Variants in FAM167A observed in about 807,000 individuals in gnomAD.
FAM167A encodes the protein protein FAM167A.
Under a neutral mutation model 14.9 loss-of-function variants are expected in FAM167A, and 23 were observed. The observed-to-expected ratio is 1.55, with a 90% CI of 1.11 to 2.19. The LOEUF (loss-of-function observed/expected upper bound fraction) is 2.19. FAM167A is among the 30% of genes most tolerant of loss of function. The pLI, the probability that FAM167A is intolerant of heterozygous loss-of-function variation, is 0.00. For synonymous variants in FAM167A, 174 were observed against 117.7 expected (o/e 1.48, Z -3.10); for missense variants, 401 against 281.5 (o/e 1.42, Z -3.04).
upstream of FAM167A, among the ~76,000 whole-genome samples, chr8:11,467,071 T>A (rs1210446911): frequency 1.3e-5 from 2 of 152,146 alleles, no homozygotes; most frequent in Non-Finnish European, 2.9e-5. Flanking sequence ...CTGTCAGAAG[T>A]TTGTCCGCAT....
rs771864038 is a variant in FAM167A at position 11,444,183 on chromosome 8, C to A, written c.229G>T (p.Gly77Trp). The A allele has an allele frequency of 2.5e-6, 4 of 1,612,998 alleles. No individual in the cohort carries two copies. The highest frequency in any genetic ancestry group is 2.2e-5 in the East Asian group (1 of 44,866). The change falls in exon 2 of 3, where the codon GGG becomes TGG. Residue 77 changes from glycine to tryptophan, a missense_variant. By Grantham distance (184) the Gly-to-Trp change is radical. Transcript: ENST00000284486. ...PQASLEEGER[G>W]GQEPLLPLRE... ...AGGGGGAGCAAGGGCTCCTGCCCCC[C>A]ACGCTCCCCCTCCTCCAAGCTCGCC...
chr8:11,438,527 T>A (rs1806207129), intron 2 of FAM167A: 1 of 456,932 alleles, frequency 2.2e-6, no homozygotes, highest in African/African-American at 2.0e-5. Context: ...CTTTTGCTTC[T>A]TTGGTCTTTC....
chr8:11,436,420 T>C (rs56302795), intron 2 of FAM167A, among the ~76,000 whole-genome samples: 35,854 of 152,206 alleles, frequency 0.24, 4,740 homozygotes, highest in Middle Eastern at 0.4. Flanking sequence ...GGTACGGCTG[T>C]TCTTGCTGGG....
At chr8:11,462,598 C>T (rs558096510) in intron 1 of FAM167A, among the ~76,000 whole-genome samples, 14 of 148,720 alleles carry the variant, frequency 9.4e-5, no homozygotes, top group South Asian at 8.3e-4. Flanking sequence ...CCTCGCCAGA[C>T]TGCACGCTCC....
At chr8:11,424,672 A>T (rs1011016398) in intron 2 of FAM167A, 36 bp from the exon 3 acceptor site, 1 of 1,606,494 alleles carries the variant, frequency 6.2e-7, no homozygotes, top group African/African-American at 1.3e-5. Flanking sequence ...GTCAGCAGAG[A>T]GTGGCTCGAG....
rs1213794321 is a variant in FAM167A, at chr8:11,424,854, C to T, written c.382-218G>A. ...ACAATACTTTGTGCTAGGCTAGTTG[C>T]TGTATCTAAGTCCTTCTGAAAGACA... On this transcript the variant is annotated intron_variant, in intron 2 of 2. Transcript: ENST00000284486. Among the ~76,000 whole-genome samples the T allele has an allele frequency of 2.0e-5, 3 of 152,228 alleles. No individual in the cohort carries two copies. The South Asian group carries it at 6.2e-4, about 31-fold the overall frequency.
At chr8:11,432,821 A>C (rs1040588078) in intron 2 of FAM167A, among the ~76,000 whole-genome samples, 2 of 152,226 alleles carry the variant, frequency 1.3e-5, no homozygotes, top group Admixed American at 6.5e-5. Flanking sequence ...CCCAAATGTC[A>C]ATCAATGATA....
chr8:11,441,476 G>A (rs1440906105), intron 2 of FAM167A, among the ~76,000 whole-genome samples: 1 of 152,184 alleles, frequency 6.6e-6, no homozygotes, highest in Non-Finnish European at 1.5e-5. Flanking sequence ...TTAGAGTTTG[G>A]CAGTCAATGC....
chr8:11,459,217 T>C (rs1045031593), intron 1 of FAM167A, among the ~76,000 whole-genome samples: 51 of 152,316 alleles, frequency 3.3e-4, no homozygotes, highest in African/African-American at 1.2e-3. Context: ...GAGGCATGAC[T>C]GGTATTATCT....
intron 2 of FAM167A, chr8:11,434,878 G>C (rs778584574): frequency 6.2e-5 from 23 of 372,986 alleles, no homozygotes; most frequent in Non-Finnish European, 1.1e-4. Flanking sequence ...ACCCAAGGAA[G>C]ACATTCTGTG....
intron 1 of FAM167A, among the ~76,000 whole-genome samples, chr8:11,452,732 C>T (rs769571063): frequency 3.3e-5 from 5 of 152,210 alleles, no homozygotes; most frequent in Non-Finnish European, 7.3e-5. Context: ...CATAAACAGA[C>T]GTGACGGCCT....
At chr8:11,440,681 G>A (rs1217841415) in intron 2 of FAM167A, among the ~76,000 whole-genome samples, 1 of 152,190 alleles carries the variant, frequency 6.6e-6, no homozygotes. Flanking sequence ...ATATCCACAC[G>A]ACTAAGGGAA....
intron 1 of FAM167A, among the ~76,000 whole-genome samples, chr8:11,447,189 C>CTT (rs777048119): frequency 6.8e-6 from 1 of 147,856 alleles, no homozygotes; most frequent in African/African-American, 2.5e-5. Flanking sequence ...TTTTCTTTTT[C>CTT]TTTTTTTTGA....
chr8:11,423,002 T>C lies in FAM167A; in HGVS notation c.*1371A>G, dbSNP rs1240121036. ...GACCATCTTTGGGGTTCAAGTTCAT[T>C]GACATGTGATCTACTAGGCATTATC... On this transcript the variant is annotated 3_prime_UTR_variant, in exon 3 of 3. Coordinates refer to ENST00000284486, the MANE Select transcript of FAM167A (RefSeq NM_053279.3). 3 of 152,656 alleles carry C rather than the reference T, an allele frequency of 2.0e-5. No individual in the cohort carries two copies. In the East Asian group the frequency reaches 5.8e-4, roughly 29 times the overall value. 9.5% of individuals were successfully genotyped at this position (152,656 alleles called of 1,614,324 possible). A position where few individuals can be genotyped will look rare whatever the true frequency, so the allele number is the denominator to read the frequency against.
At chr8:11,464,280 G>C (rs1270569578) in intron 1 of FAM167A, among the ~76,000 whole-genome samples, 1 of 152,134 alleles carries the variant, frequency 6.6e-6, no homozygotes, top group Non-Finnish European at 1.5e-5. Flanking sequence ...TAATGGACAG[G>C]GCAACGGTCC....
At chr8:11,467,299 C>A (rs915177930), upstream of FAM167A, among the ~76,000 whole-genome samples, 2 of 152,286 alleles carry the variant, frequency 1.3e-5, no homozygotes, top group Non-Finnish European at 2.9e-5. Flanking sequence ...GTCTGTCCCG[C>A]CAGGGGCGCG....
At chr8:11,432,967 G>A (rs1805718064) in intron 2 of FAM167A, among the ~76,000 whole-genome samples, 1 of 152,140 alleles carries the variant, frequency 6.6e-6, no homozygotes, top group Non-Finnish European at 1.5e-5. Context: ...CACAGAAACA[G>A]AAAACCAAAC....
At chr8:11,452,105 G>A (rs548309028) in intron 1 of FAM167A, among the ~76,000 whole-genome samples, 8 of 152,308 alleles carry the variant, frequency 5.3e-5, no homozygotes, top group Admixed American at 3.3e-4. Flanking sequence ...GGGGGGCAGG[G>A]AGGGGGTGCT....
intron 2 of FAM167A, among the ~76,000 whole-genome samples, chr8:11,437,708 G>C (rs575500113): frequency 6.6e-6 from 1 of 152,292 alleles, no homozygotes; most frequent in African/African-American, 2.4e-5. Context: ...AAACGCTCTA[G>C]GTGCCTCACC....
Sources: gnomAD v4.1 joint callset for allele counts (sites outside exome capture counted in the v4.1 genomes callset) on GRCh38, gnomAD v4.1.1 for gene constraint, MANE v1.5 for transcripts, NCBI Gene and HGNC (gene_info 2026-07-23, HGNC 2026-07-21) for gene names.